Variants in NLK observed in about 807,000 individuals in gnomAD.
The protein encoded by NLK is serine/threonine-protein kinase NLK.
A neutral mutation model predicts 59.0 loss-of-function variants in NLK; 11 were observed. The observed-to-expected ratio is 0.19, with a 90% CI of 0.12 to 0.31. NLK has a LOEUF of 0.31. Ranked by LOEUF, NLK falls within the 10% of genes least tolerant of loss-of-function variation. The probability of loss-of-function intolerance (pLI) is 1.00; values close to 1 mark genes in which losing one functional copy is unlikely to be tolerated. For missense variants in NLK, 410 were observed against 661.1 expected, an observed-to-expected ratio of 0.62 and a Z score of 4.16; for synonymous variants, 235 against 235.9, an observed-to-expected ratio of 1.00 and a Z score of 0.03.
intron 3 of NLK, among the ~76,000 whole-genome samples, chr17:28,149,874 A>G (rs1331212240): frequency 2.0e-5 from 3 of 152,208 alleles, no homozygotes; most frequent in African/African-American, 7.2e-5. Flanking sequence ...GATTGAAGAC[A>G]GTGACTTCTC....
chr17:28,089,984 G>C (rs769850749), intron 1 of NLK, among the ~76,000 whole-genome samples: 7 of 152,034 alleles, frequency 4.6e-5, no homozygotes, highest in Non-Finnish European at 1.0e-4. Flanking sequence ...CCAGTTTGTG[G>C]CTTGTGTTTT....
chr17:28,190,665 C>T (rs891354377), intron 8 of NLK, among the ~76,000 whole-genome samples: 7 of 152,048 alleles, frequency 4.6e-5, no homozygotes, highest in African/African-American at 1.7e-4. Flanking sequence ...AAAATATAGC[C>T]TGTTATTTAA....
intron 7 of NLK, among the ~76,000 whole-genome samples, chr17:28,182,940 G>A (rs1908969378): frequency 6.6e-6 from 1 of 152,178 alleles, no homozygotes; most frequent in South Asian, 2.1e-4. Flanking sequence ...TCATAGTGAA[G>A]CAGGCTGGGC....
chr17:28,168,589 G>A lies in NLK; in HGVS notation c.979G>A (p.Val327Met), dbSNP rs1414954380. The A allele has an allele frequency of 3.1e-6, 5 of 1,613,914 alleles. No homozygotes were observed. In the South Asian group the frequency reaches 5.5e-5, roughly 18 times the overall value. ...CAGCAATGCTATTGACATCTGGTCTGTGGGATGTATCTTTGCAGAACTACT... is the reference window on the plus strand; with the variant it reads ...CAGCAATGCTATTGACATCTGGTCTATGGGATGTATCTTTGCAGAACTACT... ...HYSNAIDIWS[V>M]GCIFAELLGR... The change falls in exon 6 of 11, where the codon GTG (valine) becomes ATG (methionine). Residue 327 changes from valine to methionine, a missense_variant. Coordinates refer to ENST00000407008, the MANE Select transcript of NLK (RefSeq NM_016231.5).
chr17:28,157,094 G>A (rs990835506), intron 3 of NLK, among the ~76,000 whole-genome samples: 1 of 152,048 alleles, frequency 6.6e-6, no homozygotes, highest in African/African-American at 2.4e-5. Flanking sequence ...AGGGCTCACT[G>A]CAACCCCTGC....
intron 8 of NLK, among the ~76,000 whole-genome samples, chr17:28,190,122 C>T (rs1369135311): frequency 6.6e-6 from 1 of 152,178 alleles, no homozygotes; most frequent in Non-Finnish European, 1.5e-5. Context: ...ATATTGGAAT[C>T]AGGGCAAAGT....
rs546249749 is a variant in NLK at position 28,150,585 on chromosome 17, T to TA, written c.645-10571dup. Among the ~76,000 whole-genome samples, 160 of 152,284 alleles carry TA rather than the reference T, an allele frequency of 1.1e-3. 1 individual carries two copies. The highest frequency in any genetic ancestry group is 3.8e-3 in the African/African-American group (156 of 41,528). On this transcript the variant is annotated intron_variant, in intron 3 of 10. Coordinates refer to ENST00000407008, the MANE Select transcript of NLK (RefSeq NM_016231.5). ...ATATTGTTTTTAAAAATTAACTCTT[T>TA]AAAACAATACAGAGACATTGTTACT...
At chr17:28,069,655 A>T (rs1288880225) in intron 1 of NLK, among the ~76,000 whole-genome samples, 1 of 152,022 alleles carries the variant, frequency 6.6e-6, no homozygotes, top group Admixed American at 6.5e-5. Flanking sequence ...ATTTTCATGT[A>T]TTTATTGGCT....
intron 1 of NLK, among the ~76,000 whole-genome samples, chr17:28,119,423 T>A (rs545421692): frequency 1.3e-5 from 2 of 152,348 alleles, no homozygotes; most frequent in East Asian, 3.9e-4. Context: ...TCAAGTATTT[T>A]CAGGAGTGGG....
intron 10 of NLK, 88 bp downstream of exon 10, chr17:28,192,301 A>AT: frequency 5.6e-6 from 4 of 710,270 alleles, no homozygotes; most frequent in Non-Finnish European, 7.2e-6. Context: ...GTTTTTATTT[A>AT]GATAACATAG....
intron 3 of NLK, among the ~76,000 whole-genome samples, chr17:28,159,104 TAC>T (rs1459462139): frequency 6.6e-6 from 1 of 152,154 alleles, no homozygotes; most frequent in African/African-American, 2.4e-5. Flanking sequence ...TGTCAGGAAG[TAC>T]AGTCCATGCA....
At chr17:28,126,979 T>A (rs1906315157) in intron 2 of NLK, among the ~76,000 whole-genome samples, 1 of 152,116 alleles carries the variant, frequency 6.6e-6, no homozygotes, top group Non-Finnish European at 1.5e-5. Flanking sequence ...GTCAGAAAAA[T>A]GCACATATAT....
At chr17:28,061,839 C>T (rs1567702436) in intron 1 of NLK, 1 of 138,660 alleles carries the variant, frequency 7.2e-6, no homozygotes, top group East Asian at 2.0e-4. Context: ...TATACATATA[C>T]ATATATATAA....
rs748965750 is a variant in NLK, at chr17:28,148,121, A to G, written c.645-13039A>G. ...TTTTTACTGTATCTAATGATTCCCA[A>G]ACTTATATTTTTAACTTTGATCTCC... On this transcript the variant is annotated intron_variant, in intron 3 of 10. Transcript: ENST00000407008. Among the ~76,000 whole-genome samples the G allele has an allele frequency of 4.3e-4, 66 of 152,066 alleles. 2 individuals are homozygous for G. The highest frequency in any genetic ancestry group is 4.1e-3 in the Admixed American group (62 of 15,268).
chr17:28,064,023 A>G (rs952298673), intron 1 of NLK, among the ~76,000 whole-genome samples: 2 of 152,198 alleles, frequency 1.3e-5, no homozygotes, highest in African/African-American at 4.8e-5. Flanking sequence ...GAACATAAAT[A>G]TACGAGTTTG....
intron 1 of NLK, among the ~76,000 whole-genome samples, chr17:28,111,905 GTGTGTGT>G (rs1905531372): frequency 9.1e-6 from 1 of 110,182 alleles, no homozygotes; most frequent in African/African-American, 3.5e-5. Context: ...TGGTGTGTGT[GTGTGTGT>G]GTGTGTGTGT....
chr17:28,131,586 T>TAAAAAAAAAAAAAAAAAAAAAA (rs35804817), intron 2 of NLK, among the ~76,000 whole-genome samples: 13 of 83,718 alleles, frequency 1.6e-4, no homozygotes, highest in African/African-American at 6.1e-4. Flanking sequence ...TTCTCTGTAG[T>TAAAAAAAAAAAAAAAAAAAAAA]AAAAAAAAAA....
At chr17:28,079,863 G>C (rs1910286156) in intron 1 of NLK, among the ~76,000 whole-genome samples, 1 of 152,038 alleles carries the variant, frequency 6.6e-6, no homozygotes, top group South Asian at 2.1e-4. Flanking sequence ...CTGTGCTTTT[G>C]GTATCATATC....
intron 2 of NLK, among the ~76,000 whole-genome samples, chr17:28,123,451 A>AGATT (rs1906159234): frequency 6.6e-6 from 1 of 152,182 alleles, no homozygotes; most frequent in African/African-American, 2.4e-5. Context: ...GTGAATTCTA[A>AGATT]GATTGATTGA....
Sources: allele counts gnomAD v4.1 joint callset (sites outside exome capture counted in the v4.1 genomes callset), GRCh38; gene constraint gnomAD v4.1.1; transcripts MANE v1.5; gene names NCBI Gene and HGNC (gene_info 2026-07-23, HGNC 2026-07-21).